Variants in DLGAP1 observed in about 807,000 individuals in gnomAD.
DLGAP1 encodes the protein DLG associated protein 1, also known as disks large-associated protein 1.
Under a neutral mutation model 90.8 loss-of-function variants are expected in DLGAP1, and 11 were observed. The observed-to-expected ratio is 0.12, with a 90% CI of 0.08 to 0.20. The LOEUF (loss-of-function observed/expected upper bound fraction) is 0.20, where lower values mean the gene tolerates loss of function less well. DLGAP1 is among the 10% of genes least tolerant of loss of function. DLGAP1 has a pLI of 1.00. For synonymous variants in DLGAP1, 558 were observed against 540.7 expected (o/e 1.03, Z -0.44); for missense variants, 1,050 against 1,333.8 (o/e 0.79, Z 3.31).
intron 1 of DLGAP1, among the ~76,000 whole-genome samples, chr18:4,373,591 T>C (rs2081960252): frequency 2.0e-5 from 3 of 152,222 alleles, no homozygotes; most frequent in Admixed American, 2.0e-4. Flanking sequence ...TACACGCATA[T>C]GAACAATCAC....
At chr18:3,500,829 A>G (rs1423352123) in intron 12 of DLGAP1, among the ~76,000 whole-genome samples, 1 of 152,296 alleles carries the variant, frequency 6.6e-6, no homozygotes, top group African/African-American at 2.4e-5. Context: ...GGAATAACTC[A>G]GTGGATATTT....
intron 5 of DLGAP1, among the ~76,000 whole-genome samples, chr18:3,779,397 A>G (rs569867161): frequency 6.6e-6 from 1 of 152,168 alleles, no homozygotes; most frequent in South Asian, 2.1e-4. Flanking sequence ...TTTTTCCCCA[A>G]AACTCCAAAA....
At chr18:4,149,490 T>G (rs1276977327) in intron 2 of DLGAP1, among the ~76,000 whole-genome samples, 3 of 152,208 alleles carry the variant, frequency 2.0e-5, no homozygotes, top group African/African-American at 7.2e-5. Context: ...CGGGGTTCAC[T>G]TTGGATGTCA....
chr18:3,856,009 T>C (rs1488153494), intron 4 of DLGAP1, among the ~76,000 whole-genome samples: 1 of 152,216 alleles, frequency 6.6e-6, no homozygotes, highest in Non-Finnish European at 1.5e-5. Context: ...ATGTCAAGAA[T>C]GGAAAGTGCC....
intron 1 of DLGAP1, among the ~76,000 whole-genome samples, chr18:4,433,503 G>C (rs2083334708): frequency 6.6e-6 from 1 of 152,130 alleles, no homozygotes; most frequent in Admixed American, 6.5e-5. Flanking sequence ...TACACTGATG[G>C]ATACACATTT....
rs553092429 is a variant in DLGAP1 at position 3,822,212 on chromosome 18, A to G, written c.958-7939T>C. 2.6e-5 allele frequency among the ~76,000 whole-genome samples: 4 copies of G among 152,330 alleles called. No homozygotes were observed. In the South Asian group the frequency reaches 8.3e-4, roughly 32 times the overall value. ...GATTGCTTAAAATTACCTTTTAAGG[A>G]TAAGAGTAAATACCTACCTCTTTAA... On this transcript the variant is annotated intron_variant, in intron 4 of 12. Transcript: ENST00000315677.
At chr18:4,358,438 G>A (rs1193494372) in intron 1 of DLGAP1, among the ~76,000 whole-genome samples, 2 of 152,176 alleles carry the variant, frequency 1.3e-5, no homozygotes, top group Non-Finnish European at 2.9e-5. Context: ...TGGCATACTG[G>A]AGAAACAAAG....
chr18:4,098,383 G>A (rs961768979), intron 2 of DLGAP1, among the ~76,000 whole-genome samples: 3 of 151,992 alleles, frequency 2.0e-5, no homozygotes, highest in Non-Finnish European at 4.4e-5. Flanking sequence ...AAGTCACTGA[G>A]TGATATAAAA....
At chr18:3,789,524 A>G (rs1252430838) in intron 5 of DLGAP1, among the ~76,000 whole-genome samples, 2 of 152,178 alleles carry the variant, frequency 1.3e-5, no homozygotes, top group African/African-American at 4.8e-5. Context: ...GGATAAGAAG[A>G]GGCAGTGATC....
chr18:3,698,100 C>G (rs1392701975), intron 7 of DLGAP1, among the ~76,000 whole-genome samples: 2 of 152,170 alleles, frequency 1.3e-5, no homozygotes, highest in African/African-American at 4.8e-5. Context: ...AGTTTGGTCT[C>G]CTGAATACAG....
In DLGAP1 at chr18:4,324,743, C is replaced by G. The variant is rs1327452366; in HGVS notation, c.-267+130263G>C. Among the ~76,000 whole-genome samples, 8 of 41,430 alleles carry G rather than the reference C, an allele frequency of 1.9e-4. No homozygotes were observed. In the East Asian group the frequency reaches 5.2e-3, roughly 27 times the overall value. 27.2% of individuals were successfully genotyped at this position (41,430 alleles called of 152,430 possible). On this transcript the variant is annotated intron_variant, in intron 1 of 12. Transcript: ENST00000315677. ...ACAAATCAATGAATGTGATTAATCA[C>G]ATAAACAACTAAAAACAAAAACCAC...
At chr18:3,874,841 A>C in intron 4 of DLGAP1, 2 of 1,267,134 alleles carry the variant, frequency 1.6e-6, no homozygotes, top group Non-Finnish European at 2.1e-6. Flanking sequence ...TTAACTGCAG[A>C]CAGCTTGTGA....
chr18:3,682,005 C>A (rs2060529323), intron 7 of DLGAP1, among the ~76,000 whole-genome samples: 1 of 151,506 alleles, frequency 6.6e-6, no homozygotes, highest in Admixed American at 6.6e-5. Flanking sequence ...GTAATCCCAG[C>A]TACTTGGGAG....
chr18:3,934,102 G>T (rs116222666), intron 3 of DLGAP1, among the ~76,000 whole-genome samples: 104 of 150,574 alleles, frequency 6.9e-4, no homozygotes, highest in African/African-American at 2.4e-3. Flanking sequence ...TAGTGAATTT[G>T]CCTAATCACT....
intron 1 of DLGAP1, among the ~76,000 whole-genome samples, chr18:4,220,740 T>C (rs370656996): frequency 2.5e-4 from 38 of 152,150 alleles, no homozygotes; most frequent in African/African-American, 8.2e-4. Context: ...CCTACAAATC[T>C]ATCTAGATGA....
intron 3 of DLGAP1, among the ~76,000 whole-genome samples, chr18:3,944,659 C>T (rs1026795151): frequency 6.6e-6 from 1 of 152,220 alleles, no homozygotes; most frequent in African/African-American, 2.4e-5. Context: ...ATGCTCATCC[C>T]TGGGTAAGAA....
chr18:4,405,264 G>C (rs746203858), intron 1 of DLGAP1, among the ~76,000 whole-genome samples: 1 of 152,128 alleles, frequency 6.6e-6, no homozygotes, highest in Non-Finnish European at 1.5e-5. Context: ...CCAAATCAGA[G>C]GGCAACGTGG....
At position 3,733,922 on chromosome 18, in the gene DLGAP1, T is replaced by C. The variant is rs560666402; in HGVS notation, c.1351-4547A>G. On this transcript the variant is annotated intron_variant, in intron 6 of 12. Transcript: ENST00000315677. ...CTCAGTTTTCATTTTGTTAAGTAAG[T>C]TGTTCTTTCTGTCCAGAAATCCAAA... is the stretch of plus-strand genomic sequence containing the variant. Among the ~76,000 whole-genome samples the C allele has an allele frequency of 2.6e-5, 4 of 152,312 alleles. No individual in the cohort carries two copies. The East Asian group carries it at 7.7e-4, about 29-fold the overall frequency.
At position 3,653,752 on chromosome 18, in the gene DLGAP1, A is replaced by T. The variant is rs2059391501; in HGVS notation, c.1592-71504T>A. On this transcript the variant is annotated intron_variant, in intron 7 of 12. Transcript: ENST00000315677. The surrounding 1 kb of genome is among the most constrained non-coding windows in gnomAD (Gnocchi z 4.6). ...AGAGCTCTAGGATAATATAGAGCAG[A>T]GTCTCTTTTTTTTAAAAAAGGAAAG... 1 of 152,210 alleles carries T rather than the reference A, an allele frequency of 6.6e-6. No homozygotes were observed. 9.4% of individuals were successfully genotyped at this position (152,210 alleles called of 1,614,324 possible).
Sources: allele counts gnomAD v4.1 joint callset (sites outside exome capture counted in the v4.1 genomes callset), GRCh38; gene constraint gnomAD v4.1.1; non-coding constraint Gnocchi (gnomAD v3.1); transcripts MANE v1.5; gene names NCBI Gene and HGNC (gene_info 2026-07-23, HGNC 2026-07-21).